PPP2R3A: variants seen among roughly 807,000 people sequenced by gnomAD.
PPP2R3A encodes protein phosphatase 2 regulatory subunit B''alpha.
PPP2R3A carries 80 observed loss-of-function variants against 106.9 expected under a neutral mutation model. That is an observed-to-expected ratio of 0.75 (90% CI 0.62 to 0.90). The LOEUF (loss-of-function observed/expected upper bound fraction) is 0.90, where lower values mean the gene tolerates loss of function less well. PPP2R3A is among the 40% of genes least tolerant of loss of function. The pLI is 0.00. For synonymous variants in PPP2R3A, 483 were observed against 468.3 expected, an observed-to-expected ratio of 1.03 and a Z score of -0.41; for missense variants, 1,386 against 1,350.4, an observed-to-expected ratio of 1.03 and a Z score of -0.41.
intron 13 of PPP2R3A, among the ~76,000 whole-genome samples, chr3:136,109,362 T>C (rs1037522499): frequency 1.8e-4 from 27 of 152,178 alleles, no homozygotes; most frequent in Admixed American, 1.0e-3. Context: ...CAAATATTTC[T>C]AGATCAGTGA....
Position 136,138,305 on chromosome 3 carries a change from C to T in PPP2R3A, c.3330-6738C>T, listed in dbSNP as rs1176435789. ...TGGTAATAAACATGAATTCAGACCGCGTCCTTCCAGTTCATAATTAGAATA... is the reference window on the plus strand; with the variant it reads ...TGGTAATAAACATGAATTCAGACCGTGTCCTTCCAGTTCATAATTAGAATA... On this transcript the variant is annotated intron_variant, in intron 13 of 13. Transcript: ENST00000264977. Among the ~76,000 whole-genome samples, 4 of 152,170 alleles carry T rather than the reference C, an allele frequency of 2.6e-5. 1 individual carries two copies. The South Asian group carries it at 6.2e-4, about 24-fold the overall frequency.
intron 1 of PPP2R3A, among the ~76,000 whole-genome samples, chr3:135,968,904 T>A (rs1937165697): frequency 6.6e-6 from 1 of 152,250 alleles, no homozygotes; most frequent in Admixed American, 6.5e-5. Context: ...TTTGAATGAC[T>A]GTACAGTATT....
chr3:136,119,769 G>A (rs1576325558), intron 13 of PPP2R3A, among the ~76,000 whole-genome samples: 1 of 152,172 alleles, frequency 6.6e-6, no homozygotes, highest in African/African-American at 2.4e-5. Flanking sequence ...GGGAGTATAA[G>A]TTAGTTCAAC....
At chr3:136,135,760 A>C (rs543637445) in intron 13 of PPP2R3A, among the ~76,000 whole-genome samples, 3 of 152,258 alleles carry the variant, frequency 2.0e-5, no homozygotes, top group African/African-American at 7.2e-5. Flanking sequence ...AATACAATGT[A>C]ACATCATGGG....
intron 6 of PPP2R3A, among the ~76,000 whole-genome samples, chr3:136,072,144 T>C (rs1486343030): frequency 6.6e-6 from 1 of 152,218 alleles, no homozygotes; most frequent in East Asian, 1.9e-4. Context: ...TCTCCTGTCA[T>C]CTGATATTTA....
intron 2 of PPP2R3A, among the ~76,000 whole-genome samples, chr3:136,005,192 G>T (rs192815356): frequency 1.3e-5 from 2 of 152,236 alleles, no homozygotes; most frequent in East Asian, 3.9e-4. Flanking sequence ...AAAATACTGT[G>T]TAAAATTACC....
In PPP2R3A at chr3:136,001,646, A is replaced by C. The variant is rs1933625957; in HGVS notation, c.148A>C (p.Ser50Arg). ...HGIDCIVVHH[S>R]VCADLLHIPV... ...AATTGACTGCATTGTGGTACACCAT[A>C]GTGTTTGTGCAGACCTCTTGCACAT... The change falls in exon 2 of 14, where the codon AGT becomes CGT. Residue 50 changes from serine to arginine, a missense_variant. Physicochemically the swap from Ser to Arg is moderately radical, Grantham distance 110 (BLOSUM62 -1). Transcript: ENST00000264977. The C allele has an allele frequency of 1.9e-6, 3 of 1,614,130 alleles. No individual in the cohort carries two copies. The highest frequency in any genetic ancestry group is 2.5e-6 in the Non-Finnish European group (3 of 1,180,028).
At chr3:136,113,446 G>A (rs1937627762) in intron 13 of PPP2R3A, among the ~76,000 whole-genome samples, 1 of 152,094 alleles carries the variant, frequency 6.6e-6, no homozygotes, top group Admixed American at 6.5e-5. Flanking sequence ...ATTGAAACTG[G>A]ACCCCTTCCT....
intron 12 of PPP2R3A, among the ~76,000 whole-genome samples, chr3:136,105,704 G>A (rs758522380): frequency 6.6e-6 from 1 of 152,150 alleles, no homozygotes; most frequent in Non-Finnish European, 1.5e-5. Context: ...GCTCACACCT[G>A]TAATCCCAGC....
At chr3:135,967,070 A>T (rs1430829754) in intron 1 of PPP2R3A, among the ~76,000 whole-genome samples, 1 of 151,794 alleles carries the variant, frequency 6.6e-6, no homozygotes, top group African/African-American at 2.4e-5. Flanking sequence ...CCTTTTAAAA[A>T]TTTTCTAAGC....
intron 2 of PPP2R3A, among the ~76,000 whole-genome samples, chr3:136,025,629 C>T (rs1034407271): frequency 2.0e-5 from 3 of 151,884 alleles, no homozygotes; most frequent in Non-Finnish European, 4.4e-5. Flanking sequence ...ATGTTATAAA[C>T]CTATATGTTA....
intron 13 of PPP2R3A, among the ~76,000 whole-genome samples, chr3:136,130,931 G>C (rs1377406174): frequency 1.3e-5 from 2 of 152,146 alleles, no homozygotes; most frequent in Admixed American, 1.3e-4. Flanking sequence ...TTAATAAATG[G>C]TGCTGGGAAA....
rs775142377 is a variant in PPP2R3A, at chr3:136,103,319, C to G, written c.3165C>G (p.Phe1055Leu). 3 of 1,611,324 alleles carry G rather than the reference C, an allele frequency of 1.9e-6. No individual in the cohort carries two copies. Among genetic ancestry groups the G allele is most frequent in the East Asian group, 2.2e-5 (1 of 44,822 alleles). Reference sequence around the variant, plus strand: ...TGGCTCACATCTTCTATGACACTTTCTTTAATCTGGAGAAATACTTAGACC... The same window carrying G: ...TGGCTCACATCTTCTATGACACTTTGTTTAATCTGGAGAAATACTTAGACC... ...CRMAHIFYDT[F>L]FNLEKYLDHE... Residue 1055 changes from phenylalanine (F) to leucine (L), a missense_variant, in exon 12 of 14, where the codon TTC becomes TTG. Phe to Leu is a conservative substitution (Grantham distance 22). Coordinates refer to ENST00000264977, the MANE Select transcript of PPP2R3A (RefSeq NM_002718.5).
intron 1 of PPP2R3A, among the ~76,000 whole-genome samples, chr3:135,979,153 T>G (rs1576407222): frequency 6.6e-6 from 1 of 151,564 alleles, no homozygotes. Flanking sequence ...CTGAGGCAGG[T>G]GGATCACCTG....
chr3:136,062,187 C>A (rs1936100747), intron 5 of PPP2R3A, among the ~76,000 whole-genome samples: 1 of 152,064 alleles, frequency 6.6e-6, no homozygotes. Context: ...TATAAGTTAC[C>A]TCTTTGCTTC....
At chr3:136,035,101 A>G (rs751462306) in intron 3 of PPP2R3A, among the ~76,000 whole-genome samples, 1 of 152,178 alleles carries the variant, frequency 6.6e-6, no homozygotes, top group Non-Finnish European at 1.5e-5. Context: ...AAGTTTGTGC[A>G]AGTCCTTATG....
chr3:136,137,534 ATTTTTTT>A (rs59086929), intron 13 of PPP2R3A, among the ~76,000 whole-genome samples: 3 of 40,528 alleles, frequency 7.4e-5, no homozygotes, highest in South Asian at 1.2e-3. Flanking sequence ...TCTGTCAGAG[ATTTTTTT>A]TTTTTTTTTT....
intron 8 of PPP2R3A, among the ~76,000 whole-genome samples, chr3:136,083,870 C>T (rs1936854734): frequency 6.6e-6 from 1 of 152,308 alleles, no homozygotes; most frequent in East Asian, 1.9e-4. Flanking sequence ...TGCCCCTGCC[C>T]TAGAGATCTG....
chr3:136,030,023 G>A (rs1353343545), intron 3 of PPP2R3A, among the ~76,000 whole-genome samples: 1 of 152,150 alleles, frequency 6.6e-6, no homozygotes, highest in African/African-American at 2.4e-5. Flanking sequence ...ACCAGCCTGG[G>A]CAACATAGTG....
Sources: allele counts gnomAD v4.1 joint callset (sites outside exome capture counted in the v4.1 genomes callset), GRCh38; gene constraint gnomAD v4.1.1; transcripts MANE v1.5; gene names NCBI Gene and HGNC (gene_info 2026-07-23, HGNC 2026-07-21).